The following SPAM1 variants were observed in gnomAD, a reference collection of about 807,000 sequenced individuals.
SPAM1 encodes hyaluronidase PH-20.
Under a neutral mutation model 29.6 loss-of-function variants are expected in SPAM1, and 22 were observed. That is an observed-to-expected ratio of 0.74 (90% confidence interval 0.53 to 1.06). The LOEUF is 1.06. SPAM1 is among the 50% of genes least tolerant of loss of function. The pLI is 0.00. For missense variants in SPAM1, 534 were observed against 604.0 expected (o/e 0.88, Z 1.21); for synonymous variants, 194 against 204.6 (o/e 0.95, Z 0.44).
chr7:123,968,955 T>A (rs896320390), intron 5 of SPAM1, among the ~76,000 whole-genome samples: 3 of 152,028 alleles, frequency 2.0e-5, no homozygotes, highest in African/African-American at 7.2e-5. Context: ...AGGCCTGTGT[T>A]AAGAAATTAT....
chr7:123,959,753 T>C lies in SPAM1; in HGVS notation c.1314T>C (p.Tyr438=), dbSNP rs773219199. The C allele has an allele frequency of 5.0e-6, 8 of 1,613,162 alleles. No homozygotes were observed. In the Admixed American group the frequency reaches 1.3e-4, roughly 27 times the overall value. The stretch of plus-strand genomic sequence containing the variant: ...CTGAAAAATTTTATTGCAGCTGTTA[T>C]AGCACCTTGAGTTGTAAGGAGAAAG... ...QFSEKFYCSC[Y]STLSCKEKAD... The change falls in exon 5 of 5, where the codon TAT becomes TAC. Residue 438 remains tyrosine, a synonymous_variant. Transcript: ENST00000682466.
intron 1 of SPAM1, among the ~76,000 whole-genome samples, chr7:123,944,408 T>C (rs1436890450): frequency 6.6e-6 from 1 of 152,092 alleles, no homozygotes; most frequent in Non-Finnish European, 1.5e-5. Flanking sequence ...TAAATAAAAA[T>C]TTAATCTCAG....
At chr7:123,956,964 A>C (rs1332008065) in intron 4 of SPAM1, among the ~76,000 whole-genome samples, 1 of 151,974 alleles carries the variant, frequency 6.6e-6, no homozygotes, top group African/African-American at 2.4e-5. Context: ...ATTTCCATAG[A>C]CTACAAAGTA....
At chr7:123,937,509 G>C (rs559060813) in intron 1 of SPAM1, among the ~76,000 whole-genome samples, 1 of 149,748 alleles carries the variant, frequency 6.7e-6, no homozygotes, top group Admixed American at 6.8e-5. Context: ...GCTGAGGCAG[G>C]AGAATGGATT....
chr7:123,931,542 G>A (rs979332622), intron 1 of SPAM1, among the ~76,000 whole-genome samples: 2 of 152,012 alleles, frequency 1.3e-5, no homozygotes, highest in African/African-American at 4.8e-5. Flanking sequence ...TACCCTTTTT[G>A]TCCAGTCATA....
At chr7:123,944,469 T>C (rs975866353) in intron 1 of SPAM1, among the ~76,000 whole-genome samples, 5 of 152,152 alleles carry the variant, frequency 3.3e-5, no homozygotes, top group African/African-American at 4.8e-5. Context: ...AGAAATTATT[T>C]TGATAAAATG....
At chr7:123,950,610 T>C (rs1215534153) in intron 2 of SPAM1, among the ~76,000 whole-genome samples, 1 of 152,180 alleles carries the variant, frequency 6.6e-6, no homozygotes, top group Non-Finnish European at 1.5e-5. Flanking sequence ...TTTTTATGGC[T>C]GCATAGTATT....
chr7:123,926,065 G>A (rs1304734990), intron 1 of SPAM1: 1 of 152,168 alleles, frequency 6.6e-6, no homozygotes, highest in South Asian at 2.1e-4. Context: ...AAGCTGAAAT[G>A]TGAGTTGTGC....
intron 4 of SPAM1, among the ~76,000 whole-genome samples, chr7:123,955,303 T>C (rs1792225462): frequency 6.6e-6 from 1 of 152,012 alleles, no homozygotes; most frequent in African/African-American, 2.4e-5. Context: ...ATTTAGTGAA[T>C]AATTGAATTT....
At chr7:123,943,616 T>C (rs1808492737) in intron 1 of SPAM1, among the ~76,000 whole-genome samples, 1 of 152,180 alleles carries the variant, frequency 6.6e-6, no homozygotes, top group Admixed American at 6.6e-5. Flanking sequence ...GATTTTATTA[T>C]ATCAAATAAA....
chr7:123,955,230 T>C, intron 4 of SPAM1, 144 bp downstream of exon 4: 3 of 571,110 alleles, frequency 5.3e-6, no homozygotes, highest in Non-Finnish European at 6.2e-6. Context: ...TGAATCAAAA[T>C]ACATTTGTGT....
intron 1 of SPAM1, among the ~76,000 whole-genome samples, chr7:123,940,078 C>A (rs912313217): frequency 6.6e-6 from 1 of 151,974 alleles, no homozygotes; most frequent in Non-Finnish European, 1.5e-5. Flanking sequence ...GTTTTCACTG[C>A]TGTAATTACT....
intron 1 of SPAM1, among the ~76,000 whole-genome samples, chr7:123,935,011 A>G (rs1297837794): frequency 6.6e-6 from 1 of 152,206 alleles, no homozygotes; most frequent in Non-Finnish European, 1.5e-5. Flanking sequence ...CATAATATGA[A>G]TGATGAATTA....
At position 123,953,371 on chromosome 7, in the gene SPAM1, G is replaced by T. The variant is rs1792160850; in HGVS notation, c.-200G>T. On this transcript the variant is annotated 5_prime_UTR_variant, in exon 3 of 5. Transcript: ENST00000682466. ...TTCTGTATTTCTTTTTCAGTTATAG[G>T]TGATGCAACTTGAAAAACAATCCTG... The T allele has an allele frequency of 4.3e-6, 2 of 465,998 alleles. No individual in the cohort carries two copies. The highest frequency in any genetic ancestry group is 5.4e-4 in the Middle Eastern group (1 of 1,856). The allele number at this position is 465,998 out of a possible 1,614,324, so 28.9% of individuals were successfully genotyped here.
chr7:123,955,306 T>C (rs1208369155), intron 4 of SPAM1, among the ~76,000 whole-genome samples: 1 of 152,022 alleles, frequency 6.6e-6, no homozygotes, highest in African/African-American at 2.4e-5. Flanking sequence ...TAGTGAATAA[T>C]TGAATTTCTC....
In SPAM1 at chr7:123,953,847, G is replaced by T. The variant is rs1415256040; in HGVS notation, c.277G>T (p.Val93Phe). The change falls in exon 3 of 5, where the codon GTT becomes TTT. Residue 93 changes from valine to phenylalanine, a missense_variant. Coordinates refer to ENST00000682466, the MANE Select transcript of SPAM1 (RefSeq NM_153189.3). Reference sequence around the variant, plus strand: ...CGGGCAAGGTGTTACAATATTTTATGTTGATAGACTTGGCTACTATCCTTA... The same window carrying T: ...CGGGCAAGGTGTTACAATATTTTATTTTGATAGACTTGGCTACTATCCTTA... Reference protein sequence around the residue: ...ATGQGVTIFYVDRLGYYPYID... With the variant: ...ATGQGVTIFYFDRLGYYPYID... 2 of 1,613,544 alleles carry T rather than the reference G, an allele frequency of 1.2e-6. No individual in the cohort carries two copies. The highest frequency in any genetic ancestry group is 1.7e-6 in the Non-Finnish European group (2 of 1,179,786).
chr7:123,945,239 A>G (rs565312455), intron 1 of SPAM1, among the ~76,000 whole-genome samples: 1 of 152,244 alleles, frequency 6.6e-6, no homozygotes, highest in East Asian at 1.9e-4. Context: ...TTTATACATA[A>G]CCTTTAAAAA....
At chr7:123,930,520 A>G (rs1200800083) in intron 1 of SPAM1, among the ~76,000 whole-genome samples, 1 of 152,188 alleles carries the variant, frequency 6.6e-6, no homozygotes, top group African/African-American at 2.4e-5. Context: ...AAAGACTCTC[A>G]TTTCACAAAC....
intron 1 of SPAM1, among the ~76,000 whole-genome samples, chr7:123,945,379 T>G (rs116172405): frequency 1.8e-4 from 28 of 151,992 alleles, no homozygotes; most frequent in African/African-American, 6.7e-4. Flanking sequence ...AACAGCTTCC[T>G]AGGAGGAAAA....
Sources: allele counts gnomAD v4.1 joint callset (sites outside exome capture counted in the v4.1 genomes callset), GRCh38; gene constraint gnomAD v4.1.1; transcripts MANE v1.5; gene names NCBI Gene and HGNC (gene_info 2026-07-23, HGNC 2026-07-21).